COX10: variants seen among roughly 807,000 people sequenced by gnomAD.
The protein encoded by COX10 is protoheme IX farnesyltransferase, mitochondrial.
Under a neutral mutation model 37.3 loss-of-function variants are expected in COX10, and 27 were observed. The ratio of observed to expected loss-of-function variants is 0.72; its 90% CI spans 0.53 to 1.00. COX10 has a LOEUF of 1.00. COX10 is among the 50% of genes least tolerant of loss of function. The pLI, the probability that COX10 is intolerant of heterozygous loss-of-function variation, is 0.00. For missense variants in COX10, 475 were observed against 563.2 expected, an observed-to-expected ratio of 0.84 and a Z score of 1.59; for synonymous variants, 222 against 229.1, an observed-to-expected ratio of 0.97 and a Z score of 0.28.
At chr17:14,099,290 T>C (rs968837796) in intron 3 of COX10, among the ~76,000 whole-genome samples, 1 of 152,154 alleles carries the variant, frequency 6.6e-6, no homozygotes, top group Non-Finnish European at 1.5e-5. Flanking sequence ...GAGATAGTTA[T>C]ACTTAAGGCA....
At chr17:14,139,378 GTTTA>G (rs1181337319) in intron 4 of COX10, among the ~76,000 whole-genome samples, 2 of 152,194 alleles carry the variant, frequency 1.3e-5, no homozygotes, top group East Asian at 1.9e-4. Flanking sequence ...CTAATGAATT[GTTTA>G]TTTATAGCAA....
intron 5 of COX10, among the ~76,000 whole-genome samples, chr17:14,188,072 C>T (rs1906087636): frequency 1.3e-5 from 2 of 149,076 alleles, no homozygotes; most frequent in South Asian, 4.3e-4. Context: ...CTCCACAGAA[C>T]TTGAAGAAGG....
In COX10 at chr17:14,182,158, A is replaced by G. The variant is rs184360340; in HGVS notation, c.696-9831A>G. On this transcript the variant is annotated intron_variant, in intron 5 of 6. Transcript: ENST00000261643. ...TACCACAGTCTCTGCGCCGAACATCATGATGCATGCCTATAATCGCAGCTA... is the reference window on the plus strand; with the variant it reads ...TACCACAGTCTCTGCGCCGAACATCGTGATGCATGCCTATAATCGCAGCTA... 1.7e-4 allele frequency: 163 copies of G among 982,064 alleles called. 2 individuals are homozygous for G. The East Asian group carries it at 0.015, about 90-fold the overall frequency. 60.8% of individuals were successfully genotyped at this position (982,064 alleles called of 1,614,324 possible). A position where few individuals can be genotyped will look rare whatever the true frequency, so the allele number is the denominator to read the frequency against.
intron 4 of COX10, among the ~76,000 whole-genome samples, chr17:14,140,284 AAAT>A (rs1904499235): frequency 6.6e-6 from 1 of 152,162 alleles, no homozygotes; most frequent in East Asian, 1.9e-4. Flanking sequence ...ACTCTGAAAC[AAAT>A]AATAAACTGT....
chr17:14,128,756 C>T (rs1567597578), intron 4 of COX10, among the ~76,000 whole-genome samples: 1 of 152,234 alleles, frequency 6.6e-6, no homozygotes, highest in Admixed American at 6.5e-5. Context: ...GACTGAGTTA[C>T]AGCAGGACTA....
At chr17:14,096,127 C>T (rs1915645459) in intron 3 of COX10, among the ~76,000 whole-genome samples, 1 of 152,020 alleles carries the variant, frequency 6.6e-6, no homozygotes, top group Admixed American at 6.6e-5. Context: ...GGTCTGTCTT[C>T]CTCTTCTTAT....
At chr17:14,172,119 TC>T (rs1905489188) in intron 5 of COX10, among the ~76,000 whole-genome samples, 1 of 152,078 alleles carries the variant, frequency 6.6e-6, no homozygotes, top group Non-Finnish European at 1.5e-5. Context: ...TGTCTTCCAC[TC>T]AACTGGCAGA....
intron 5 of COX10, among the ~76,000 whole-genome samples, chr17:14,172,528 A>G (rs183169529): frequency 7.2e-6 from 1 of 138,526 alleles, no homozygotes; most frequent in East Asian, 2.1e-4. Flanking sequence ...GATGTTGAGC[A>G]TTTTCTCGTA....
At chr17:14,071,691 C>T (rs954234520) in intron 1 of COX10, among the ~76,000 whole-genome samples, 2 of 143,976 alleles carry the variant, frequency 1.4e-5, no homozygotes, top group Non-Finnish European at 3.0e-5. Flanking sequence ...CAACACCAGC[C>T]TGGTCAACAT....
intron 4 of COX10, among the ~76,000 whole-genome samples, chr17:14,138,907 G>A (rs1196722701): frequency 6.6e-6 from 1 of 152,088 alleles, no homozygotes; most frequent in Non-Finnish European, 1.5e-5. Context: ...GCTGTGTGGT[G>A]TATTCAGTAG....
At chr17:14,194,668 G>A (rs771955104) in intron 6 of COX10, among the ~76,000 whole-genome samples, 19 of 152,220 alleles carry the variant, frequency 1.2e-4, no homozygotes, top group Non-Finnish European at 2.4e-4. Flanking sequence ...CTCGTGATCC[G>A]CCTGCCTCGG....
chr17:14,103,635 G>A (rs1915833655), intron 4 of COX10, among the ~76,000 whole-genome samples: 1 of 152,048 alleles, frequency 6.6e-6, no homozygotes, highest in African/African-American at 2.4e-5. Flanking sequence ...AGTTGGAGCT[G>A]CTCCTCCTCC....
At chr17:14,188,653 C>CT (rs1296863203) in intron 5 of COX10, among the ~76,000 whole-genome samples, 1 of 151,902 alleles carries the variant, frequency 6.6e-6, no homozygotes, top group Non-Finnish European at 1.5e-5. Context: ...CCTTTAAAGA[C>CT]TTTTTAAGAT....
chr17:14,098,055 T>C (rs1471937910), intron 3 of COX10, among the ~76,000 whole-genome samples: 1 of 152,204 alleles, frequency 6.6e-6, no homozygotes, highest in East Asian at 1.9e-4. Context: ...AATCCACAGA[T>C]GTGGAACCTA....
At chr17:14,137,057 T>G (rs912039375) in intron 4 of COX10, among the ~76,000 whole-genome samples, 1 of 151,930 alleles carries the variant, frequency 6.6e-6, no homozygotes, top group African/African-American at 2.4e-5. Context: ...GTGTGTTTTT[T>G]TAATTGTTTT....
At position 14,135,422 on chromosome 17, in the gene COX10, G is replaced by A. The variant is rs117722161; in HGVS notation, c.625-24455G>A. 4.5e-3 allele frequency among the ~76,000 whole-genome samples: 679 copies of A among 151,832 alleles called. 26 individuals carry two copies. The East Asian group carries it at 0.085, about 19-fold the overall frequency. On this transcript the variant is annotated intron_variant, in intron 4 of 6. Transcript: ENST00000261643. ...AGGTTGGTAGTTCTCAAATTTTACC[G>A]TGTATAAAGAATCACCTGGGGAGCT...
intron 6 of COX10, among the ~76,000 whole-genome samples, chr17:14,194,107 G>T (rs2142264569): frequency 6.6e-6 from 1 of 152,244 alleles, no homozygotes; most frequent in South Asian, 2.1e-4. Context: ...TCAGGGCCAA[G>T]TATTACAGCC....
intron 5 of COX10, among the ~76,000 whole-genome samples, chr17:14,160,737 G>T (rs1905156994): frequency 5.9e-5 from 9 of 152,128 alleles, no homozygotes; most frequent in Admixed American, 5.9e-4. Flanking sequence ...TTTAATATTA[G>T]CTGGTTTTAG....
intron 6 of COX10, among the ~76,000 whole-genome samples, chr17:14,201,968 T>A (rs1031651855): frequency 3.3e-5 from 5 of 152,230 alleles, no homozygotes; most frequent in African/African-American, 4.8e-5. Context: ...TCACCCTGTT[T>A]ACTCCGTCAG....
Sources: gnomAD v4.1 joint callset for allele counts (sites outside exome capture counted in the v4.1 genomes callset) on GRCh38, gnomAD v4.1.1 for gene constraint, MANE v1.5 for transcripts, NCBI Gene and HGNC (gene_info 2026-07-23, HGNC 2026-07-21) for gene names.